Variants in TMTC1 observed in about 807,000 individuals in gnomAD.
TMTC1 encodes transmembrane O-mannosyltransferase targeting cadherins 1.
Under a neutral mutation model 104.8 loss-of-function variants are expected in TMTC1, and 73 were observed. The observed-to-expected ratio is 0.70, with a 90% CI of 0.58 to 0.85. The LOEUF is 0.85. TMTC1 is among the 40% of genes least tolerant of loss of function. The pLI is 0.00. For missense variants in TMTC1, 1,035 were observed against 1,096.1 expected (o/e 0.94, Z 0.79); for synonymous variants, 434 against 428.7 (o/e 1.01, Z -0.15).
chr12:29,709,816 G>A (rs983774413), intron 5 of TMTC1, among the ~76,000 whole-genome samples: 13 of 152,076 alleles, frequency 8.5e-5, no homozygotes, highest in Non-Finnish European at 1.9e-4. Context: ...TTAATAATTC[G>A]TCTTACTCTT....
chr12:29,757,739 G>A (rs1943248263), intron 3 of TMTC1, among the ~76,000 whole-genome samples: 1 of 152,158 alleles, frequency 6.6e-6, no homozygotes, highest in Non-Finnish European at 1.5e-5. Flanking sequence ...GTTCCACATG[G>A]CTGGGGAGGC....
chr12:29,601,996 T>C (rs1344815191), intron 7 of TMTC1, among the ~76,000 whole-genome samples: 3 of 151,840 alleles, frequency 2.0e-5, no homozygotes, highest in Non-Finnish European at 4.4e-5. Context: ...CCACCGTGCC[T>C]GGCTAATTTT....
intron 1 of TMTC1, among the ~76,000 whole-genome samples, chr12:29,780,095 T>A (rs946762926): frequency 6.6e-6 from 1 of 152,194 alleles, no homozygotes; most frequent in Non-Finnish European, 1.5e-5. Context: ...GGCAGCTTCA[T>A]ATAAAGCATA....
chr12:29,599,260 A>C (rs2136383463), intron 7 of TMTC1, among the ~76,000 whole-genome samples: 1 of 152,330 alleles, frequency 6.6e-6, no homozygotes, highest in South Asian at 2.1e-4. Context: ...AAAAGATCAA[A>C]ATTTCTATAA....
At chr12:29,538,805 A>G (rs188828761) in intron 10 of TMTC1, among the ~76,000 whole-genome samples, 8 of 152,366 alleles carry the variant, frequency 5.3e-5, no homozygotes, top group African/African-American at 1.9e-4. Flanking sequence ...ACAGACTTTA[A>G]GAAAAACACC....
At chr12:29,724,012 C>A (rs965409929) in intron 5 of TMTC1, among the ~76,000 whole-genome samples, 2 of 152,058 alleles carry the variant, frequency 1.3e-5, no homozygotes, top group African/African-American at 4.8e-5. Context: ...ATAGAGAAGA[C>A]CAGAATATAG....
At chr12:29,616,924 C>A (rs1334151746) in intron 6 of TMTC1, among the ~76,000 whole-genome samples, 3 of 151,962 alleles carry the variant, frequency 2.0e-5, no homozygotes, top group Admixed American at 1.3e-4. Flanking sequence ...ATGGAGAAAA[C>A]CAAGCTCTTC....
intron 10 of TMTC1, among the ~76,000 whole-genome samples, chr12:29,555,348 AAGTTCTGGGATACTTGTGC>A (rs1945213056): frequency 1.3e-5 from 2 of 151,376 alleles, no homozygotes; most frequent in Non-Finnish European, 2.9e-5. Flanking sequence ...AATTATACTT[AAGTTCTGGGATACTTGTGC>A]AGAACATGCA....
rs7980986 is a variant in TMTC1 at position 29,672,262 on chromosome 12, C to T, written c.939-38926G>A. The stretch of plus-strand genomic sequence containing the variant: ...CTCATCAAGTTCCTGCAGGAGTACA[C>T]ACAGAAGAAAATGTTTCCACAGCCC... On this transcript the variant is annotated intron_variant, in intron 5 of 17. Coordinates refer to ENST00000539277, the MANE Select transcript of TMTC1 (RefSeq NM_001193451.2). 9.5e-3 allele frequency among the ~76,000 whole-genome samples: 1,439 copies of T among 152,264 alleles called. 24 individuals are homozygous for T. The highest frequency in any genetic ancestry group is 0.032 in the African/African-American group (1,334 of 41,546).
intron 5 of TMTC1, among the ~76,000 whole-genome samples, chr12:29,751,316 C>A (rs1398870276): frequency 6.6e-6 from 1 of 152,092 alleles, no homozygotes; most frequent in Admixed American, 6.5e-5. Context: ...AGATCAAACA[C>A]AAAGAGCAGA....
intron 17 of TMTC1, among the ~76,000 whole-genome samples, chr12:29,510,572 A>C (rs1943805448): frequency 6.6e-6 from 1 of 152,146 alleles, no homozygotes; most frequent in Non-Finnish European, 1.5e-5. Context: ...CACCTACCAG[A>C]TCAAAGCTGT....
chr12:29,576,735 T>C (rs1276236959), intron 8 of TMTC1, among the ~76,000 whole-genome samples: 3 of 152,112 alleles, frequency 2.0e-5, no homozygotes, highest in Non-Finnish European at 4.4e-5. Flanking sequence ...GCTAAGAATA[T>C]GGTATTGTAT....
intron 5 of TMTC1, among the ~76,000 whole-genome samples, chr12:29,680,720 T>C (rs912655527): frequency 6.6e-6 from 1 of 152,188 alleles, no homozygotes; most frequent in Non-Finnish European, 1.5e-5. Flanking sequence ...ATGTGAACAC[T>C]GGAAGCCTGT....
At chr12:29,527,630 T>A (rs1210489228) in intron 11 of TMTC1, among the ~76,000 whole-genome samples, 1 of 152,222 alleles carries the variant, frequency 6.6e-6, no homozygotes, top group Non-Finnish European at 1.5e-5. Flanking sequence ...AGTTAGAAGG[T>A]GTTTTTCCTG....
At chr12:29,704,917 C>T (rs975385913) in intron 5 of TMTC1, among the ~76,000 whole-genome samples, 4 of 152,058 alleles carry the variant, frequency 2.6e-5, no homozygotes, top group Non-Finnish European at 4.4e-5. Flanking sequence ...ACGAAAAGAA[C>T]CAGAATAATA....
chr12:29,693,114 TTTAA>T (rs1235443355), intron 5 of TMTC1, among the ~76,000 whole-genome samples: 3 of 144,946 alleles, frequency 2.1e-5, no homozygotes, highest in Non-Finnish European at 4.5e-5. Context: ...AAGTGTTTTC[TTTAA>T]TTGACACATA....
rs76114235 is a variant in TMTC1 at position 29,720,557 on chromosome 12, A to G, written c.938+31109T>C. Among the ~76,000 whole-genome samples the G allele has an allele frequency of 2.2e-3, 337 of 152,358 alleles. 10 individuals are homozygous for G. The East Asian group carries it at 0.056, about 25-fold the overall frequency. On this transcript the variant is annotated intron_variant, in intron 5 of 17. Coordinates refer to ENST00000539277, the MANE Select transcript of TMTC1 (RefSeq NM_001193451.2). Reference sequence around the variant, plus strand: ...ATGGACAGGTTTATGAACACAACAAATCAAAATGATAAAAGAATTAACAAA... The same window carrying G: ...ATGGACAGGTTTATGAACACAACAAGTCAAAATGATAAAAGAATTAACAAA...
chr12:29,583,234 T>A (rs1195598653), intron 8 of TMTC1, among the ~76,000 whole-genome samples, 173 bp downstream of exon 8: 2 of 152,212 alleles, frequency 1.3e-5, no homozygotes, highest in Non-Finnish European at 2.9e-5. Context: ...TATATCATTT[T>A]AAAAATCTAA....
intron 5 of TMTC1, among the ~76,000 whole-genome samples, chr12:29,645,017 G>C (rs917015089): frequency 7.2e-5 from 11 of 152,248 alleles, no homozygotes; most frequent in African/African-American, 2.6e-4. Flanking sequence ...CCATGAATGT[G>C]CCCATCCTCC....
Sources: allele counts gnomAD v4.1 joint callset (sites outside exome capture counted in the v4.1 genomes callset), GRCh38; gene constraint gnomAD v4.1.1; transcripts MANE v1.5; gene names NCBI Gene and HGNC (gene_info 2026-07-23, HGNC 2026-07-21).